Variants in NFAT5 observed in about 807,000 individuals in gnomAD.
NFAT5 encodes the protein nuclear factor of activated T-cells 5.
A neutral mutation model predicts 166.5 loss-of-function variants in NFAT5; 31 were observed. That is an observed-to-expected ratio of 0.19 (90% CI 0.14 to 0.25). The LOEUF (loss-of-function observed/expected upper bound fraction) is 0.25. Ranked by LOEUF, NFAT5 falls within the 10% of genes least tolerant of loss-of-function variation. The pLI is 1.00. For synonymous variants in NFAT5, 612 were observed against 639.7 expected (o/e 0.96, Z 0.65); for missense variants, 1,449 against 1,821.8 (o/e 0.80, Z 3.72).
intron 2 of NFAT5, among the ~76,000 whole-genome samples, chr16:69,617,236 C>T (rs1002977152): frequency 6.6e-6 from 1 of 150,874 alleles, no homozygotes; most frequent in Non-Finnish European, 1.5e-5. Flanking sequence ...GCCACCGTGC[C>T]CAGCCTCAAA....
Position 69,659,869 on chromosome 16 carries a change from C to T in NFAT5, c.1339C>T (p.Leu447=). 3.1e-6 allele frequency: 5 copies of T among 1,613,546 alleles called. No individual in the cohort carries two copies. Among genetic ancestry groups the T allele is most frequent in the Non-Finnish European group, 4.2e-6 (5 of 1,179,666 alleles). The change falls in exon 7 of 15, where the codon CTG becomes TTG. Residue 447 remains leucine, a synonymous_variant. Coordinates refer to ENST00000349945, the MANE Select transcript of NFAT5 (RefSeq NM_138713.4). ...GAGGAAAGATGGCTCCACTTTGACACTGCAAACACCCTCTTCTCCAATTTT... is the reference window on the plus strand; with the variant it reads ...GAGGAAAGATGGCTCCACTTTGACATTGCAAACACCCTCTTCTCCAATTTT... The part of the protein sequence containing the change: ...IMRKDGSTLT[L]QTPSSPILCT...
intron 2 of NFAT5, among the ~76,000 whole-genome samples, chr16:69,588,770 TG>T (rs1028911748): frequency 1.3e-5 from 2 of 152,258 alleles, no homozygotes; most frequent in African/African-American, 4.8e-5. Context: ...TAGACTCCTT[TG>T]GAAAAATCAT....
At chr16:69,620,547 A>G (rs1403888354) in intron 2 of NFAT5, among the ~76,000 whole-genome samples, 1 of 152,240 alleles carries the variant, frequency 6.6e-6, no homozygotes, top group Non-Finnish European at 1.5e-5. Flanking sequence ...CAGCCTGGCC[A>G]ACATAGCAAG....
chr16:69,626,125 A>C (rs1213682876), intron 2 of NFAT5, among the ~76,000 whole-genome samples: 1 of 151,602 alleles, frequency 6.6e-6, no homozygotes, highest in African/African-American at 2.4e-5. Context: ...AAAAAAAAAA[A>C]AAACCTTTTG....
At chr16:69,614,325 T>C (rs1389423643) in intron 2 of NFAT5, among the ~76,000 whole-genome samples, 2 of 152,164 alleles carry the variant, frequency 1.3e-5, no homozygotes, top group African/African-American at 2.4e-5. Context: ...CGGCCCTAGA[T>C]TGGTTTTTGA....
At chr16:69,584,775 A>AG (rs2031934999) in intron 2 of NFAT5, among the ~76,000 whole-genome samples, 2 of 152,080 alleles carry the variant, frequency 1.3e-5, no homozygotes, top group African/African-American at 4.8e-5. Context: ...TGACAGAGTA[A>AG]GACCCTGTCT....
intron 4 of NFAT5, among the ~76,000 whole-genome samples, chr16:69,650,834 A>G (rs921713131): frequency 3.3e-5 from 5 of 152,212 alleles, no homozygotes; most frequent in African/African-American, 4.8e-5. Flanking sequence ...ATATTTCTAC[A>G]TAGTTTCAAT....
At chr16:69,592,852 A>G (rs1037716363) in intron 2 of NFAT5, among the ~76,000 whole-genome samples, 1 of 152,204 alleles carries the variant, frequency 6.6e-6, no homozygotes, top group African/African-American at 2.4e-5. Context: ...TTCAGAGTAG[A>G]GTAGGGTTTA....
chr16:69,703,855 C>T lies in NFAT5; in HGVS notation c.*7504C>T, dbSNP rs556952769. On this transcript the variant is annotated 3_prime_UTR_variant, in exon 15 of 15. Coordinates refer to ENST00000349945, the MANE Select transcript of NFAT5 (RefSeq NM_138713.4). ...CTTGTAATAACTCCTTTAAAAAATT[C>T]CATGTTTAACCATATGACCCTGCTT... 1 of 152,742 alleles carries T rather than the reference C, an allele frequency of 6.5e-6. No homozygotes were observed. The highest frequency in any genetic ancestry group is 6.5e-5 in the Admixed American group (1 of 15,284). The allele number at this position is 152,742 out of a possible 1,614,324, so 9.5% of individuals were successfully genotyped here. A position where few individuals can be genotyped will look rare whatever the true frequency, so the allele number is the denominator to read the frequency against.
intron 9 of NFAT5, among the ~76,000 whole-genome samples, chr16:69,671,794 C>G (rs1477622862): frequency 6.6e-6 from 1 of 152,198 alleles, no homozygotes; most frequent in Non-Finnish European, 1.5e-5. Context: ...ACATTACCAT[C>G]TTGGCATAGC....
At chr16:69,639,145 C>A (rs889473982) in intron 3 of NFAT5, among the ~76,000 whole-genome samples, 2 of 152,146 alleles carry the variant, frequency 1.3e-5, no homozygotes, top group East Asian at 3.8e-4. Flanking sequence ...TGATGGAAAA[C>A]ATCTTTTTCT....
At position 69,692,534 on chromosome 16, in the gene NFAT5, G is replaced by GCAA. The variant is rs760968027; in HGVS notation, c.2712_2714dup (p.Gln906dup). ...CTAATCAACAGCAGCAGCAGCAGCA[G>GCAA]CAACAGCAAGTGATGGAATCTTCAG... On this transcript the variant is annotated inframe_insertion, in exon 13 of 15. Transcript: ENST00000349945. 3.1e-6 allele frequency: 5 copies of GCAA among 1,613,890 alleles called. No individual in the cohort carries two copies. The highest frequency in any genetic ancestry group is 3.4e-6 in the Non-Finnish European group (4 of 1,180,016).
At chr16:69,663,122 A>G (rs1056685147) in intron 7 of NFAT5, among the ~76,000 whole-genome samples, 5 of 152,138 alleles carry the variant, frequency 3.3e-5, no homozygotes, top group Admixed American at 3.3e-4. Context: ...AGAGGTAGAA[A>G]AGGAAAGGGG....
rs571698438 is a variant in NFAT5 at position 69,596,617 on chromosome 16, C to T, written c.127+28069C>T. On this transcript the variant is annotated intron_variant, in intron 2 of 14. Transcript: ENST00000349945. ...CCTGTAATTGCAGCTACTCAGGAGG[C>T]TGACGCAGGAGAATCGCTTGAACCC... Among the ~76,000 whole-genome samples the T allele has an allele frequency of 2.0e-4, 31 of 151,530 alleles. No homozygotes were observed. In the South Asian group the frequency reaches 6.3e-3, roughly 31 times the overall value.
At chr16:69,661,057 ACTC>A (rs1400088783) in intron 7 of NFAT5, among the ~76,000 whole-genome samples, 1 of 126,002 alleles carries the variant, frequency 7.9e-6, no homozygotes, top group Non-Finnish European at 1.7e-5. Flanking sequence ...TGATCTGCCC[ACTC>A]CTCCCAGCAC....
At chr16:69,614,127 CTCTTTTCTT>C (rs1353571168) in intron 2 of NFAT5, among the ~76,000 whole-genome samples, 1 of 151,588 alleles carries the variant, frequency 6.6e-6, no homozygotes, top group Non-Finnish European at 1.5e-5. Flanking sequence ...GGTCTTTTCT[CTCTTTTCTT>C]TCTTTTCTTC....
chr16:69,607,017 A>C (rs903666220), intron 2 of NFAT5, among the ~76,000 whole-genome samples: 2 of 152,180 alleles, frequency 1.3e-5, no homozygotes, highest in Non-Finnish European at 2.9e-5. Context: ...TGAGGGCAGA[A>C]ATTATAGTTT....
chr16:69,655,965 T>C (rs1385515287), intron 6 of NFAT5, among the ~76,000 whole-genome samples, 166 bp downstream of exon 6: 2 of 152,174 alleles, frequency 1.3e-5, no homozygotes, highest in African/African-American at 4.8e-5. Context: ...TAAAATTAAC[T>C]CTTTTACCAT....
intron 2 of NFAT5, among the ~76,000 whole-genome samples, chr16:69,587,152 G>A (rs1317987728): frequency 6.6e-6 from 1 of 151,842 alleles, no homozygotes; most frequent in Non-Finnish European, 1.5e-5. Context: ...GCGCGATCTC[G>A]GCTCACTGCA....
Sources: allele counts gnomAD v4.1 joint callset (sites outside exome capture counted in the v4.1 genomes callset), GRCh38; gene constraint gnomAD v4.1.1; transcripts MANE v1.5; gene names NCBI Gene and HGNC (gene_info 2026-07-23, HGNC 2026-07-21).